PAX3: variants seen among roughly 807,000 people sequenced by gnomAD.
PAX3 encodes paired box protein Pax-3.
In PAX3, 14 loss-of-function variants were observed where a neutral mutation model predicts 51.6. That is an observed-to-expected ratio of 0.27 (90% CI 0.18 to 0.42). The LOEUF is 0.42. PAX3 is among the 10% of genes least tolerant of loss of function. The pLI is 1.00. For synonymous variants in PAX3, 280 were observed against 253.4 expected (o/e 1.11, Z -1.00); for missense variants, 540 against 642.8 (o/e 0.84, Z 1.73).
At chr2:222,256,941 G>C (rs1331833580) in intron 4 of PAX3, among the ~76,000 whole-genome samples, 1 of 152,172 alleles carries the variant, frequency 6.6e-6, no homozygotes, top group South Asian at 2.1e-4. Flanking sequence ...CCCTGTACTT[G>C]TGAGATAGTT....
chr2:222,267,555 A>G (rs1694096692), intron 4 of PAX3, among the ~76,000 whole-genome samples: 1 of 152,168 alleles, frequency 6.6e-6, no homozygotes, highest in African/African-American at 2.4e-5. Context: ...AGCTTATTCT[A>G]TTACTTGAGT....
chr2:222,227,227 G>A (rs16863533), intron 5 of PAX3, among the ~76,000 whole-genome samples: 31,537 of 151,916 alleles, frequency 0.21, 3,491 homozygotes, highest in South Asian at 0.28. Context: ...CATTGTCTTC[G>A]TGGTAAAACA....
At chr2:222,226,555 G>A (rs73070498) in intron 5 of PAX3, among the ~76,000 whole-genome samples, 8,810 of 151,898 alleles carry the variant, frequency 0.058, 869 homozygotes, top group African/African-American at 0.2. Context: ...GCTTCATTAC[G>A]GAGCTTAGGA....
intron 8 of PAX3, 55 bp downstream of exon 8, chr2:222,201,889 G>T (rs186207055): frequency 6.2e-7 from 1 of 1,613,746 alleles, no homozygotes; most frequent in South Asian, 1.1e-5. Context: ...TTAAGGAAGA[G>T]TTGAGTTTAT....
At chr2:222,296,326 G>A (rs766069335) in intron 2 of PAX3, among the ~76,000 whole-genome samples, 1 of 152,210 alleles carries the variant, frequency 6.6e-6, no homozygotes, top group South Asian at 2.1e-4. Flanking sequence ...GATTTTGCCC[G>A]GTGGCAACTA....
intron 7 of PAX3, 141 bp from the exon 8 acceptor site, chr2:222,202,331 A>T (rs1249358324): frequency 6.9e-6 from 5 of 721,960 alleles, no homozygotes; most frequent in Non-Finnish European, 1.2e-5. Flanking sequence ...CTATGAACCC[A>T]ATTCTAAGTG....
At chr2:222,261,051 A>T (rs1427838306) in intron 4 of PAX3, among the ~76,000 whole-genome samples, 1 of 152,208 alleles carries the variant, frequency 6.6e-6, no homozygotes, top group African/African-American at 2.4e-5. Context: ...AGAATTCCTA[A>T]AATTACTATA....
intron 7 of PAX3, among the ~76,000 whole-genome samples, chr2:222,205,874 T>C (rs1378435288): frequency 1.3e-5 from 2 of 152,204 alleles, no homozygotes; most frequent in Non-Finnish European, 2.9e-5. Context: ...AGGGAAGCTA[T>C]GGAAATTTCT....
Position 222,220,473 on chromosome 2 carries a change from C to A in PAX3, c.959-119G>T, listed in dbSNP as rs1692151280. 3 of 938,996 alleles carry A rather than the reference C, an allele frequency of 3.2e-6. No homozygotes were observed. The African/African-American group carries it at 4.9e-5, about 15-fold the overall frequency. The allele number at this position is 938,996 out of a possible 1,614,324, so 58.2% of individuals were successfully genotyped here. On this transcript the variant is annotated intron_variant, in intron 6 of 8. Coordinates refer to ENST00000392070, the MANE Select transcript of PAX3 (RefSeq NM_181458.4). ...GCATCTATTGATCAAATCAAATGTTCACTTCAAACTGCGTTTCTTAACCTG... is the reference window on the plus strand; with the variant it reads ...GCATCTATTGATCAAATCAAATGTTAACTTCAAACTGCGTTTCTTAACCTG...
At chr2:222,247,386 AT>A (rs1217651949) in intron 4 of PAX3, among the ~76,000 whole-genome samples, 3 of 152,058 alleles carry the variant, frequency 2.0e-5, no homozygotes. Flanking sequence ...GTTTTTTAAA[AT>A]TTTTTCCCAC....
intron 5 of PAX3, among the ~76,000 whole-genome samples, chr2:222,222,407 C>CT (rs140699845): frequency 0.019 from 2,624 of 140,778 alleles, 42 homozygotes; most frequent in African/African-American, 0.046. Flanking sequence ...TTCATTGAAA[C>CT]TTTTTTTTTT....
chr2:222,232,787 A>G (rs1692648041), intron 4 of PAX3, among the ~76,000 whole-genome samples: 1 of 152,214 alleles, frequency 6.6e-6, no homozygotes, highest in Non-Finnish European at 1.5e-5. Flanking sequence ...TTTTAAAAAT[A>G]TTCCAAACTT....
chr2:222,221,257 G>C lies in PAX3; in HGVS notation c.923C>G (p.Ser308Trp). 6.2e-7 allele frequency: 1 copy of C among 1,613,990 alleles called. No individual in the cohort carries two copies. Among genetic ancestry groups the C allele is most frequent in the Middle Eastern group, 1.7e-4 (1 of 6,060 alleles). ...AGATGTGGGCTGGTAAGAGGTCTCC[G>C]ACAGCTGGTACGTTGGCAAGGTCGG... ...AMPTLPTYQL[S>W]ETSYQPTSIP... The change falls in exon 6 of 9, where the codon TCG becomes TGG. Residue 308 changes from serine (S) to tryptophan (W), a missense_variant. By Grantham distance (177) the Ser-to-Trp change is radical. Transcript: ENST00000392070.
intron 5 of PAX3, among the ~76,000 whole-genome samples, chr2:222,225,021 T>C (rs1459163115): frequency 6.6e-6 from 1 of 152,162 alleles, no homozygotes; most frequent in Non-Finnish European, 1.5e-5. Context: ...TACAATTCAA[T>C]GTAATTTTAC....
chr2:222,206,842 A>G (rs1233767892), intron 7 of PAX3, among the ~76,000 whole-genome samples: 1 of 152,200 alleles, frequency 6.6e-6, no homozygotes, highest in Admixed American at 6.6e-5. Flanking sequence ...CCTGAAGCTT[A>G]TCAGAAATCT....
chr2:222,212,018 G>A (rs1691755287), intron 7 of PAX3, among the ~76,000 whole-genome samples: 1 of 152,158 alleles, frequency 6.6e-6, no homozygotes, highest in South Asian at 2.1e-4. Flanking sequence ...ATCAAAGGCA[G>A]TGGGGGTGTG....
intron 1 of PAX3, among the ~76,000 whole-genome samples, chr2:222,297,681 G>A (rs1260286605): frequency 3.9e-5 from 6 of 152,236 alleles, no homozygotes; most frequent in South Asian, 2.1e-4. Context: ...CTAGCCAAAA[G>A]TGCAGCAGCC....
At chr2:222,278,491 A>G (rs537332422) in intron 4 of PAX3, among the ~76,000 whole-genome samples, 1 of 152,322 alleles carries the variant, frequency 6.6e-6, no homozygotes, top group East Asian at 1.9e-4. Flanking sequence ...TTCCTAGTCT[A>G]TGGCTCTTGG....
At chr2:222,210,514 A>C (rs1691684215) in intron 7 of PAX3, among the ~76,000 whole-genome samples, 2 of 152,204 alleles carry the variant, frequency 1.3e-5, no homozygotes, top group Admixed American at 6.5e-5. Context: ...CAAAACTAGA[A>C]TACAAAAAGA....
Sources: gnomAD v4.1 joint callset for allele counts (sites outside exome capture counted in the v4.1 genomes callset) on GRCh38, gnomAD v4.1.1 for gene constraint, MANE v1.5 for transcripts, NCBI Gene and HGNC (gene_info 2026-07-23, HGNC 2026-07-21) for gene names.